The following ROR1 variants were observed in gnomAD, a reference collection of about 807,000 sequenced individuals.
The protein encoded by ROR1 is inactive tyrosine-protein kinase transmembrane receptor ROR1.
In ROR1, 19 loss-of-function variants were observed where a neutral mutation model predicts 78.8. That is an observed-to-expected ratio of 0.24 (90% CI 0.17 to 0.35). The LOEUF (loss-of-function observed/expected upper bound fraction) is 0.35. Among genes scored for constraint, ROR1 ranks in the 10% least tolerant of loss-of-function variants. ROR1 has a pLI of 1.00. For missense variants in ROR1, 917 were observed against 1,177.8 expected (o/e 0.78, Z 3.24); for synonymous variants, 386 against 433.6 (o/e 0.89, Z 1.36).
intron 4 of ROR1, among the ~76,000 whole-genome samples, chr1:64,088,980 A>AT (rs1557645888): frequency 1.3e-5 from 2 of 152,114 alleles, no homozygotes; most frequent in South Asian, 2.1e-4. Context: ...GGACACAGTG[A>AT]TTTTTTTAAG....
chr1:64,140,725 G>A (rs568496497), intron 6 of ROR1, among the ~76,000 whole-genome samples: 7 of 152,210 alleles, frequency 4.6e-5, no homozygotes, highest in Admixed American at 3.9e-4. Context: ...GAAAACAGAT[G>A]TTCAAACAAA....
intron 1 of ROR1, among the ~76,000 whole-genome samples, chr1:63,827,014 G>A (rs1443795096): frequency 6.6e-6 from 1 of 152,088 alleles, no homozygotes; most frequent in Non-Finnish European, 1.5e-5. Context: ...ATGAGATCAT[G>A]TCCTTTGCAG....
At chr1:64,007,377 A>AGTGTGTGT (rs59753220) in intron 1 of ROR1, among the ~76,000 whole-genome samples, 9,190 of 145,874 alleles carry the variant, frequency 0.063, 339 homozygotes, top group South Asian at 0.065. Context: ...TAATGTTCTG[A>AGTGTGTGT]GTGTGTGTGT....
At chr1:63,819,313 G>C (rs1644911031) in intron 1 of ROR1, among the ~76,000 whole-genome samples, 1 of 152,110 alleles carries the variant, frequency 6.6e-6, no homozygotes, top group African/African-American at 2.4e-5. Flanking sequence ...TTTTCTTCCT[G>C]GGGAAGAAGA....
At chr1:63,897,359 C>A (rs2100397656) in intron 1 of ROR1, among the ~76,000 whole-genome samples, 1 of 152,302 alleles carries the variant, frequency 6.6e-6, no homozygotes, top group Non-Finnish European at 1.5e-5. Flanking sequence ...CCTGGGGATA[C>A]CCAGACGAAT....
chr1:63,967,256 C>A (rs1435009727), intron 1 of ROR1, among the ~76,000 whole-genome samples: 1 of 152,130 alleles, frequency 6.6e-6, no homozygotes, highest in African/African-American at 2.4e-5. Context: ...AAGAATTTTT[C>A]ATTCCTTCTG....
At chr1:64,102,061 A>G (rs77487043) in intron 4 of ROR1, among the ~76,000 whole-genome samples, 2,405 of 152,232 alleles carry the variant, frequency 0.016, 61 homozygotes, top group African/African-American at 0.056. Flanking sequence ...AGGTGATGAG[A>G]AAAAGAAGGT....
intron 1 of ROR1, among the ~76,000 whole-genome samples, chr1:63,938,797 A>G (rs1645813710): frequency 1.3e-5 from 2 of 152,138 alleles, no homozygotes. Context: ...GGAGGTCAAC[A>G]CCACCCTGAA....
chr1:64,097,933 T>C (rs894042928), intron 4 of ROR1, among the ~76,000 whole-genome samples: 3 of 152,138 alleles, frequency 2.0e-5, no homozygotes, highest in South Asian at 4.1e-4. Context: ...TAAGTGCTAG[T>C]CCATGGACAA....
chr1:63,809,493 G>A (rs559561681), intron 1 of ROR1, among the ~76,000 whole-genome samples: 15 of 152,302 alleles, frequency 9.8e-5, no homozygotes, highest in African/African-American at 3.4e-4. Flanking sequence ...AGCATCTTGT[G>A]TATCATATAT....
intron 1 of ROR1, among the ~76,000 whole-genome samples, chr1:63,879,682 G>A (rs1188694557): frequency 2.6e-5 from 4 of 152,120 alleles, no homozygotes; most frequent in African/African-American, 4.8e-5. Flanking sequence ...ATGTTTAGCT[G>A]TTTAATCCAC....
intron 1 of ROR1, among the ~76,000 whole-genome samples, chr1:63,899,047 A>T (rs1645464729): frequency 6.6e-6 from 1 of 151,982 alleles, no homozygotes; most frequent in African/African-American, 2.4e-5. Flanking sequence ...AAAGCTCTCC[A>T]TCACACAGGA....
At chr1:64,058,654 T>G (rs1646893612) in intron 4 of ROR1, among the ~76,000 whole-genome samples, 1 of 151,856 alleles carries the variant, frequency 6.6e-6, no homozygotes. Context: ...GATTTTTGCA[T>G]GTTAAACCAA....
intron 1 of ROR1, among the ~76,000 whole-genome samples, chr1:63,977,759 C>T (rs921250528): frequency 1.3e-5 from 2 of 152,130 alleles, no homozygotes; most frequent in African/African-American, 4.8e-5. Flanking sequence ...GATGTTACTT[C>T]AGGAAATGCA....
chr1:63,830,215 C>A (rs1255440936), intron 1 of ROR1, among the ~76,000 whole-genome samples: 1 of 152,048 alleles, frequency 6.6e-6, no homozygotes, highest in East Asian at 1.9e-4. Flanking sequence ...ACAGTACCTC[C>A]TACCCAGCAC....
intron 1 of ROR1, chr1:63,843,321 G>T: frequency 8.4e-7 from 1 of 1,186,618 alleles, no homozygotes; most frequent in Non-Finnish European, 1.3e-6. Context: ...CTTCTTGACG[G>T]CGTCCTTGGA....
At chr1:64,102,531 G>A (rs1168470018) in intron 4 of ROR1, among the ~76,000 whole-genome samples, 1 of 152,136 alleles carries the variant, frequency 6.6e-6, no homozygotes, top group East Asian at 1.9e-4. Context: ...GGGCCTCATA[G>A]CTGTGCTTTT....
chr1:63,882,895 T>C (rs571065669), intron 1 of ROR1, among the ~76,000 whole-genome samples: 1 of 151,956 alleles, frequency 6.6e-6, no homozygotes, highest in South Asian at 2.1e-4. Flanking sequence ...GGTTGATGAT[T>C]TTAGGGTTAC....
chr1:63,852,826 G>A (rs547137106), intron 1 of ROR1, among the ~76,000 whole-genome samples: 7 of 152,124 alleles, frequency 4.6e-5, no homozygotes, highest in Admixed American at 1.3e-4. Context: ...ATTTGCAATA[G>A]ACTCCTGCTT....
Sources: gnomAD v4.1 joint callset for allele counts (sites outside exome capture counted in the v4.1 genomes callset) on GRCh38, gnomAD v4.1.1 for gene constraint, MANE v1.5 for transcripts, NCBI Gene and HGNC (gene_info 2026-07-23, HGNC 2026-07-21) for gene names.